Variants in PPP2R1A observed in about 807,000 individuals in gnomAD.
PPP2R1A encodes the protein serine/threonine-protein phosphatase 2A 65 kDa regulatory subunit A alpha isoform.
PPP2R1A carries 15 observed loss-of-function variants against 67.1 expected under a neutral mutation model. The observed-to-expected ratio is 0.22, with a 90% CI of 0.15 to 0.34. The LOEUF (loss-of-function observed/expected upper bound fraction) is 0.34. PPP2R1A is among the 10% of genes least tolerant of loss of function. The pLI is 1.00. For synonymous variants in PPP2R1A, 337 were observed against 325.0 expected, an observed-to-expected ratio of 1.04 and a Z score of -0.40; for missense variants, 369 against 775.0, an observed-to-expected ratio of 0.48 and a Z score of 6.22.
Position 52,226,056 on chromosome 19 carries a change from T to C in PPP2R1A, c.*75T>C, listed in dbSNP as rs369880957. The C allele has an allele frequency of 8.0e-5, 129 of 1,608,450 alleles. No individual in the cohort carries two copies. The African/African-American group carries it at 1.2e-3, about 15-fold the overall frequency. ...CACAAGTCCCTCTTTGGGGAGACAC[T>C]GGGGGGCCTTTGGCTGTCACTCCCT... is the stretch of plus-strand genomic sequence containing the variant. On this transcript the variant is annotated 3_prime_UTR_variant, in exon 15 of 15. Transcript: ENST00000322088.
chr19:52,210,484 CTTTTTTTTTTTT>C (rs112983236), intron 3 of PPP2R1A, among the ~76,000 whole-genome samples: 1 of 126,970 alleles, frequency 7.9e-6, no homozygotes, highest in Non-Finnish European at 1.6e-5. Flanking sequence ...GTTTTCTCTT[CTTTTTTTTTTTT>C]TTTTTTTTCT....
At chr19:52,206,862 T>TCTGCCC (rs1326587697) in intron 3 of PPP2R1A, among the ~76,000 whole-genome samples, 1 of 152,162 alleles carries the variant, frequency 6.6e-6, no homozygotes, top group Non-Finnish European at 1.5e-5. Context: ...TGCCTCTGCC[T>TCTGCCC]CTGCCCCACT....
intron 2 of PPP2R1A, among the ~76,000 whole-genome samples, chr19:52,204,168 A>C (rs573856012): frequency 6.6e-6 from 1 of 152,330 alleles, no homozygotes; most frequent in East Asian, 1.9e-4. Flanking sequence ...GTGTTGGAAG[A>C]ATAGCAGTGA....
rs972154071 is a variant in PPP2R1A, at chr19:52,219,614, C to G, written c.1129-77C>G. The stretch of plus-strand genomic sequence containing the variant: ...CGGGAGATGTCCATAAAAGTTGATG[C>G]AGCTGAGCTCTTTCCATCCTGTCCT... On this transcript the variant is annotated intron_variant, in intron 9 of 14. Transcript: ENST00000322088. This position sits in a 1 kb window ranked among gnomAD's most constrained non-coding sequence, Gnocchi z 4.0. 7.0e-7 allele frequency: 1 copy of G among 1,430,802 alleles called. No individual in the cohort carries two copies. The allele number at this position is 1,430,802 out of a possible 1,614,324, so 88.6% of individuals were successfully genotyped here. A position where few individuals can be genotyped will look rare whatever the true frequency, so the allele number is the denominator to read the frequency against.
Position 52,228,482 on chromosome 19 carries a change from C to G in PPP2R1A, c.*2501C>G, listed in dbSNP as rs1979389191. The G allele has an allele frequency of 6.6e-6, 1 of 152,154 alleles. No individual in the cohort carries two copies. The highest frequency in any genetic ancestry group is 6.5e-5 in the Admixed American group (1 of 15,268). The allele number at this position is 152,154 out of a possible 1,614,324, so 9.4% of individuals were successfully genotyped here. On this transcript the variant is annotated 3_prime_UTR_variant, in exon 15 of 15. Transcript: ENST00000322088. Reference sequence around the variant, plus strand: ...TCTGTGAGCTTCATGTTGGAAGAATCCAATCAGGTGATGAATGTGATGTTA... The same window carrying G: ...TCTGTGAGCTTCATGTTGGAAGAATGCAATCAGGTGATGAATGTGATGTTA...
In PPP2R1A at chr19:52,220,371, G is replaced by T. The variant is rs564772825; in HGVS notation, c.1363+122G>T. ...TCACTCCCCACGCCGCTGGATGCTC[G>T]TATGGACCAGCTCGCATGCTTGTTA... On this transcript the variant is annotated intron_variant, in intron 11 of 14. Transcript: ENST00000322088. The T allele has an allele frequency of 4.9e-6, 5 of 1,022,790 alleles. No individual in the cohort carries two copies. In the East Asian group the frequency reaches 1.2e-4, roughly 25 times the overall value. The allele number at this position is 1,022,790 out of a possible 1,614,324, so 63.4% of individuals were successfully genotyped here. A position where few individuals can be genotyped will look rare whatever the true frequency, so the allele number is the denominator to read the frequency against.
intron 1 of PPP2R1A, among the ~76,000 whole-genome samples, chr19:52,198,225 C>G (rs1193673451): frequency 6.6e-6 from 1 of 152,196 alleles, no homozygotes; most frequent in Non-Finnish European, 1.5e-5. Context: ...AGCAGTTTAG[C>G]CTTGAACCTG....
chr19:52,192,260 G>A (rs2122275036), intron 1 of PPP2R1A, among the ~76,000 whole-genome samples: 1 of 151,982 alleles, frequency 6.6e-6, no homozygotes, highest in Non-Finnish European at 1.5e-5. Flanking sequence ...GAAGGTGGGG[G>A]AGAGCCTCCC....
chr19:52,199,411 C>T (rs1274171044), intron 1 of PPP2R1A, among the ~76,000 whole-genome samples: 17 of 152,054 alleles, frequency 1.1e-4, no homozygotes, highest in Admixed American at 3.3e-4. Context: ...CCTCATGATC[C>T]GCCTGCCTCG....
rs575868869 is a variant in PPP2R1A, at chr19:52,219,624, C to T, written c.1129-67C>T. On this transcript the variant is annotated intron_variant, in intron 9 of 14. Coordinates refer to ENST00000322088, the MANE Select transcript of PPP2R1A (RefSeq NM_014225.6). This position sits in a 1 kb window ranked among gnomAD's most constrained non-coding sequence, Gnocchi z 4.0. ...CCATAAAAGTTGATGCAGCTGAGCT[C>T]TTTCCATCCTGTCCTGGGTTGCTGT... 14 of 1,487,722 alleles carry T rather than the reference C, an allele frequency of 9.4e-6. No homozygotes were observed. The African/African-American group carries it at 1.9e-4, about 21-fold the overall frequency. The allele number at this position is 1,487,722 out of a possible 1,614,324, so 92.2% of individuals were successfully genotyped here. A position where few individuals can be genotyped will look rare whatever the true frequency, so the allele number is the denominator to read the frequency against.
chr19:52,217,478 C>T (rs898925417), intron 9 of PPP2R1A, among the ~76,000 whole-genome samples: 3 of 152,204 alleles, frequency 2.0e-5, no homozygotes, highest in African/African-American at 4.8e-5. Context: ...GGATTATAGG[C>T]GTGAGCCGCT....
rs780753812 is a variant in PPP2R1A, at chr19:52,216,534, G to C, written c.999G>C (p.Leu333=). Residue 333 remains leucine, a synonymous_variant, in exon 9 of 15, where the codon CTG becomes CTC. Transcript: ENST00000322088. The surrounding 1 kb of genome is among the most constrained non-coding windows in gnomAD (Gnocchi z 4.3). ...MSQILPCIKE[L]VSDANQHVKS... ...CTGCCTCTTCTCTCTCCCAGGAGCT[G>C]GTGTCCGATGCCAACCAACATGTCA... 6.2e-7 allele frequency: 1 copy of C among 1,614,132 alleles called. No homozygotes were observed. Among genetic ancestry groups the C allele is most frequent in the Non-Finnish European group, 8.5e-7 (1 of 1,180,030 alleles).
intron 1 of PPP2R1A, among the ~76,000 whole-genome samples, chr19:52,194,452 C>T (rs542504119): frequency 2.6e-5 from 4 of 152,232 alleles, no homozygotes; most frequent in South Asian, 2.1e-4. Flanking sequence ...GGAGGAATTG[C>T]AAGGCTTTCA....
chr19:52,226,358 C>A lies in PPP2R1A; in HGVS notation c.*377C>A. ...GTTTTTTTTTGTGTGTCAACTGTGC[C>A]GTTTTTATTTTATTCCTTTTATTTT... On this transcript the variant is annotated 3_prime_UTR_variant, in exon 15 of 15. Transcript: ENST00000322088. The A allele has an allele frequency of 2.8e-6, 1 of 353,436 alleles. No homozygotes were observed. The highest frequency in any genetic ancestry group is 5.2e-6 in the Non-Finnish European group (1 of 194,070). 21.9% of individuals were successfully genotyped at this position (353,436 alleles called of 1,614,324 possible). A position where few individuals can be genotyped will look rare whatever the true frequency, so the allele number is the denominator to read the frequency against.
intron 3 of PPP2R1A, among the ~76,000 whole-genome samples, chr19:52,210,926 T>C (rs1370705744): frequency 1.3e-5 from 2 of 152,168 alleles, no homozygotes; most frequent in East Asian, 1.9e-4. Flanking sequence ...GTGATGATCA[T>C]TGCACTTTGA....
At chr19:52,190,381 G>T (rs2089442029) in intron 1 of PPP2R1A, 1 of 638,108 alleles carries the variant, frequency 1.6e-6, no homozygotes, top group South Asian at 1.9e-5. Flanking sequence ...GGGGGCCAGC[G>T]CTAGCCTCGA....
At position 52,190,058 on chromosome 19, in the gene PPP2R1A, G is replaced by T. The variant is rs1318816775; in HGVS notation, c.-39G>T. 5 of 1,526,854 alleles carry T rather than the reference G, an allele frequency of 3.3e-6. No individual in the cohort carries two copies. The highest frequency in any genetic ancestry group is 3.5e-6 in the Non-Finnish European group (4 of 1,129,942). 94.6% of individuals were successfully genotyped at this position (1,526,854 alleles called of 1,614,324 possible). On this transcript the variant is annotated 5_prime_UTR_variant, in exon 1 of 15. Transcript: ENST00000322088. The stretch of plus-strand genomic sequence containing the variant: ...ATTGCCCCCCCCACGTTTCAGCACA[G>T]CGCTGGCCGCAGTCTGACAGGAAAG...
intron 6 of PPP2R1A, among the ~76,000 whole-genome samples, chr19:52,214,511 G>C (rs899322575): frequency 6.6e-6 from 1 of 152,114 alleles, no homozygotes; most frequent in African/African-American, 2.4e-5. Flanking sequence ...ACCAGTTCTT[G>C]GCACATAGTA....
Position 52,212,549 on chromosome 19 carries a change from C to A in PPP2R1A, c.504-137C>A. 9.6e-7 allele frequency: 1 copy of A among 1,045,526 alleles called. No individual in the cohort carries two copies. Among genetic ancestry groups the A allele is most frequent in the Non-Finnish European group, 1.4e-6 (1 of 730,224 alleles). 64.8% of individuals were successfully genotyped at this position (1,045,526 alleles called of 1,614,324 possible). A position where few individuals can be genotyped will look rare whatever the true frequency, so the allele number is the denominator to read the frequency against. On this transcript the variant is annotated intron_variant, in intron 4 of 14. Transcript: ENST00000322088. The surrounding 1 kb of genome is among the most constrained non-coding windows in gnomAD (Gnocchi z 4.1). ...TTACTATCAGCTCCGTTTCATAGGG[C>A]TGGGAAGACAGAGAGGGGGTCATCA...
Sources: gnomAD v4.1 joint callset for allele counts (sites outside exome capture counted in the v4.1 genomes callset) on GRCh38, gnomAD v4.1.1 for gene constraint, Gnocchi (gnomAD v3.1) non-coding constraint, MANE v1.5 for transcripts, NCBI Gene and HGNC (gene_info 2026-07-23, HGNC 2026-07-21) for gene names.